WDFY4: variants seen among roughly 807,000 people sequenced by gnomAD.
WDFY4 encodes WDFY family member 4, also known as WD repeat- and FYVE domain-containing protein 4.
Under a neutral mutation model 351.9 loss-of-function variants are expected in WDFY4, and 169 were observed. The observed-to-expected ratio is 0.48, with a 90% confidence interval of 0.42 to 0.55. The LOEUF is 0.55. WDFY4 is among the 20% of genes least tolerant of loss of function. The pLI, the probability that WDFY4 is intolerant of heterozygous loss-of-function variation, is 0.00. For synonymous variants in WDFY4, 1,622 were observed against 1,574.6 expected (o/e 1.03, Z -0.71); for missense variants, 3,803 against 3,935.6 (o/e 0.97, Z 0.90).
At chr10:48,775,302 G>T (rs535048640) in intron 14 of WDFY4, among the ~76,000 whole-genome samples, 3 of 152,264 alleles carry the variant, frequency 2.0e-5, no homozygotes, top group East Asian at 3.9e-4. Context: ...AGAGCGGGGG[G>T]CCCTGCTGCT....
intron 57 of WDFY4, among the ~76,000 whole-genome samples, chr10:48,972,552 G>A (rs1033607870): frequency 7.2e-5 from 11 of 151,924 alleles, no homozygotes; most frequent in African/African-American, 2.7e-4. Context: ...ATTGCATTTC[G>A]ATTGTTTTGT....
At chr10:48,909,072 A>G (rs1310576957) in intron 47 of WDFY4, among the ~76,000 whole-genome samples, 2 of 152,110 alleles carry the variant, frequency 1.3e-5, no homozygotes, top group African/African-American at 2.4e-5. Flanking sequence ...TGCCATTGAG[A>G]TACATTCAAG....
intron 7 of WDFY4, among the ~76,000 whole-genome samples, chr10:48,727,976 G>T (rs1367314820): frequency 1.3e-5 from 2 of 152,174 alleles, no homozygotes; most frequent in East Asian, 1.9e-4. Context: ...CTGCCTGTGT[G>T]CTTGGAGGGC....
At position 48,734,594 on chromosome 10, in the gene WDFY4, T is replaced by A. The variant is rs567850719; in HGVS notation, c.1687+559T>A. On this transcript the variant is annotated intron_variant, in intron 10 of 61. Transcript: ENST00000325239. ...ATCAGTGGGTTTGGTGATTTAGGCA[T>A]CTTTATCTGAGGCCTTCACAGAGTA... is the stretch of plus-strand genomic sequence containing the variant. 7.2e-5 allele frequency among the ~76,000 whole-genome samples: 11 copies of A among 151,932 alleles called. No homozygotes were observed. In the South Asian group the frequency reaches 2.3e-3, roughly 31 times the overall value.
intron 51 of WDFY4, among the ~76,000 whole-genome samples, chr10:48,951,475 C>G (rs1034443858): frequency 6.6e-6 from 1 of 152,146 alleles, no homozygotes; most frequent in African/African-American, 2.4e-5. Flanking sequence ...AGTACAGTGG[C>G]ATGATCATAG....
chr10:48,698,011 C>T (rs1020022965), intron 1 of WDFY4, among the ~76,000 whole-genome samples: 1 of 152,184 alleles, frequency 6.6e-6, no homozygotes, highest in Non-Finnish European at 1.5e-5. Flanking sequence ...ATTTGTTCTC[C>T]TACGGTCCTG....
At chr10:48,801,585 A>G (rs1399562459) in intron 24 of WDFY4, 1 of 451,694 alleles carries the variant, frequency 2.2e-6, no homozygotes, top group Non-Finnish European at 4.4e-6. Context: ...CCCAAATGGC[A>G]GCTGGCCCAC....
At chr10:48,878,394 G>C (rs1021716287) in intron 43 of WDFY4, 30 of 152,314 alleles carry the variant, frequency 2.0e-4, no homozygotes, top group African/African-American at 7.2e-4. Flanking sequence ...ATAGGTCCTA[G>C]GCTCAGAGAA....
Position 48,796,306 on chromosome 10 carries a change from G to A in WDFY4, c.4266G>A (p.Ala1422=), listed in dbSNP as rs1011412285. The change falls in exon 24 of 62, where the codon GCG becomes GCA. Residue 1422 remains alanine, a synonymous_variant. Transcript: ENST00000325239. ...TGTGTTAACCTTTTCAGATAATGGCGTTTCTCCTGAGGAAGAAGGCCTCTC... is the reference window on the plus strand; with the variant it reads ...TGTGTTAACCTTTTCAGATAATGGCATTTCTCCTGAGGAAGAAGGCCTCTC... The part of the protein sequence containing the change: ...MQHICGYQIM[A]FLLRKKASLL... 1.7e-5 allele frequency: 26 copies of A among 1,551,550 alleles called. No homozygotes were observed. Among genetic ancestry groups the A allele is most frequent in the Middle Eastern group, 1.7e-4 (1 of 6,008 alleles).
rs190972519 is a variant in WDFY4, at chr10:48,833,071, C to T, written c.6663+362C>T. 2.3e-3 allele frequency among the ~76,000 whole-genome samples: 346 copies of T among 152,106 alleles called. 3 individuals carry two copies. The highest frequency in any genetic ancestry group is 8.0e-3 in the African/African-American group (332 of 41,492). ...CCCTCTTTACTGTGTGGGGCAGACCCGTTGGGATTTTCTAATCAGTTTCTC... is the reference window on the plus strand; with the variant it reads ...CCCTCTTTACTGTGTGGGGCAGACCTGTTGGGATTTTCTAATCAGTTTCTC... On this transcript the variant is annotated intron_variant, in intron 39 of 61. Coordinates refer to ENST00000325239, the MANE Select transcript of WDFY4 (RefSeq NM_001394531.1).
chr10:48,817,295 C>T lies in WDFY4; in HGVS notation c.5391C>T (p.Ser1797=), dbSNP rs371960078. ...CCTGGGCACAGACCTTCCCGGCCAG[C>T]GTGCTGCAGTTCCTCAGCCTCGTCC... ...DGAWAQTFPA[S]VLQFLSLVHR... is the part of the protein sequence containing the mutation. The change falls in exon 32 of 62, where the codon AGC becomes AGT. Residue 1797 remains serine, a synonymous_variant. Transcript: ENST00000325239. 8.0e-4 allele frequency: 1,244 copies of T among 1,551,752 alleles called. 4 individuals carry two copies. The highest frequency in any genetic ancestry group is 3.5e-3 in the East Asian group (144 of 40,920).
chr10:48,910,305 G>A, intron 47 of WDFY4: 1 of 1,578,132 alleles, frequency 6.3e-7, no homozygotes, highest in Non-Finnish European at 8.7e-7. Flanking sequence ...CCAGGCCACA[G>A]AGGCAAACAC....
At position 48,976,785 on chromosome 10, in the gene WDFY4, C is replaced by G. The variant is rs1355519082; in HGVS notation, c.9109-12C>G. 6 of 1,380,222 alleles carry G rather than the reference C, an allele frequency of 4.3e-6. No homozygotes were observed. The South Asian group carries it at 1.0e-4, about 24-fold the overall frequency. 85.5% of individuals were successfully genotyped at this position (1,380,222 alleles called of 1,614,324 possible). A position where few individuals can be genotyped will look rare whatever the true frequency, so the allele number is the denominator to read the frequency against. On this transcript the variant is annotated splice_polypyrimidine_tract_variant and intron_variant, in intron 58 of 61. Transcript: ENST00000325239. Reference sequence around the variant, plus strand: ...ACTCCAGCTTAGAGTGATGCCAGCTCTCACTGCACAGGGCACCATTGTCTC... The same window carrying G: ...ACTCCAGCTTAGAGTGATGCCAGCTGTCACTGCACAGGGCACCATTGTCTC...
chr10:48,896,090 C>T (rs1451315166), intron 44 of WDFY4, among the ~76,000 whole-genome samples: 1 of 152,238 alleles, frequency 6.6e-6, no homozygotes, highest in Non-Finnish European at 1.5e-5. Flanking sequence ...GAAGTTATTT[C>T]TGCTGTGTGA....
chr10:48,717,366 G>A (rs1253832919), intron 2 of WDFY4, among the ~76,000 whole-genome samples: 2 of 152,126 alleles, frequency 1.3e-5, no homozygotes, highest in Non-Finnish European at 2.9e-5. Context: ...ATTTACATAA[G>A]CAAATGCCAA....
At chr10:48,810,235 T>G (rs1389782262) in intron 28 of WDFY4, among the ~76,000 whole-genome samples, 1 of 152,228 alleles carries the variant, frequency 6.6e-6, no homozygotes, top group Non-Finnish European at 1.5e-5. Flanking sequence ...ATAGTAGTTA[T>G]ATAGGGCTAT....
In WDFY4 at chr10:48,735,997, A is replaced by T; in HGVS notation, c.1805A>T (p.Tyr602Phe). 6.4e-7 allele frequency: 1 copy of T among 1,551,930 alleles called. No individual in the cohort carries two copies. Among genetic ancestry groups the T allele is most frequent in the Non-Finnish European group, 8.7e-7 (1 of 1,147,052 alleles). Residue 602 changes from tyrosine (Y) to phenylalanine (F), a missense_variant, in exon 11 of 62, where the codon TAC becomes TTC. Around this residue, in one of 3 missense-constraint regions of WDFY4, gnomAD observed 261 missense variants for 330.2 expected, o/e 0.79. Coordinates refer to ENST00000325239, the MANE Select transcript of WDFY4 (RefSeq NM_001394531.1). Reference protein sequence around the residue: ...EQLSAINAEEYMSIIVGALCS... With the variant: ...EQLSAINAEEFMSIIVGALCS... ...CTCTCAGCCATCAACGCCGAGGAGT[A>T]CATGAGCATCATTGTGGGTGCTCTA...
intron 47 of WDFY4, among the ~76,000 whole-genome samples, chr10:48,903,040 G>T (rs1367341356): frequency 6.6e-6 from 1 of 152,168 alleles, no homozygotes; most frequent in East Asian, 1.9e-4. Flanking sequence ...AACCCAGGAG[G>T]TGGAGGTTGC....
At chr10:48,735,641 A>T (rs1041188390) in intron 10 of WDFY4, among the ~76,000 whole-genome samples, 5 of 152,082 alleles carry the variant, frequency 3.3e-5, no homozygotes, top group Non-Finnish European at 7.4e-5. Context: ...CAAAAATAAG[A>T]TTCTCATTGG....
Sources: gnomAD v4.1 joint callset for allele counts (sites outside exome capture counted in the v4.1 genomes callset) on GRCh38, gnomAD v4.1.1 for gene constraint, gnomAD v4.1.1 regional missense constraint, MANE v1.5 for transcripts, NCBI Gene and HGNC (gene_info 2026-07-23, HGNC 2026-07-21) for gene names.